The following PTK2 variants were observed in gnomAD, a reference collection of about 807,000 sequenced individuals.
PTK2 encodes focal adhesion kinase 1.
PTK2 carries 45 observed loss-of-function variants against 150.1 expected under a neutral mutation model. The ratio of observed to expected loss-of-function variants is 0.30; its 90% CI spans 0.24 to 0.38. The LOEUF is 0.38. Among genes scored for constraint, PTK2 ranks in the 10% least tolerant of loss-of-function variants. The probability of loss-of-function intolerance (pLI) is 1.00; values close to 1 mark genes in which losing one functional copy is unlikely to be tolerated. For missense variants in PTK2, 919 were observed against 1,307.3 expected (o/e 0.70, Z 4.58); for synonymous variants, 432 against 449.2 (o/e 0.96, Z 0.48).
intron 5 of PTK2, among the ~76,000 whole-genome samples, chr8:140,861,379 T>C (rs906427940): frequency 6.6e-6 from 1 of 151,994 alleles, no homozygotes; most frequent in Admixed American, 6.6e-5. Context: ...TTTAAAAATA[T>C]TAAAATGTAC....
chr8:140,815,406 C>T (rs2100104119), intron 10 of PTK2, among the ~76,000 whole-genome samples: 1 of 151,950 alleles, frequency 6.6e-6, no homozygotes. Flanking sequence ...GACACTGGGG[C>T]CTACCAGAGG....
chr8:140,990,627 G>A (rs761293167), intron 1 of PTK2, among the ~76,000 whole-genome samples: 1 of 152,144 alleles, frequency 6.6e-6, no homozygotes, highest in African/African-American at 2.4e-5. Flanking sequence ...GAGCTGCACA[G>A]TTGAGTGAAA....
intron 7 of PTK2, among the ~76,000 whole-genome samples, chr8:140,830,756 T>TC (rs2100114887): frequency 6.6e-6 from 1 of 152,210 alleles, no homozygotes; most frequent in African/African-American, 2.4e-5. Flanking sequence ...TAAATAGAAA[T>TC]CCTTTTGGTT....
intron 2 of PTK2, among the ~76,000 whole-genome samples, chr8:140,897,383 A>G (rs2100156723): frequency 6.6e-6 from 1 of 152,010 alleles, no homozygotes; most frequent in Non-Finnish European, 1.5e-5. Flanking sequence ...AAAAAAAAGG[A>G]ATGTTATTTT....
exon 19 of PTK2, chr8:140,744,674 C>T: frequency 6.3e-7 from 1 of 1,593,302 alleles, no homozygotes; most frequent in Non-Finnish European, 8.6e-7. Flanking sequence ...CTTTTGCTCT[C>T]TAGATATGCA....
At chr8:140,710,092 T>C (rs1025442134) in intron 23 of PTK2, among the ~76,000 whole-genome samples, 2 of 152,122 alleles carry the variant, frequency 1.3e-5, no homozygotes, top group African/African-American at 2.4e-5. Flanking sequence ...GGCAGGCAGA[T>C]TGCTTTGAGC....
intron 26 of PTK2, among the ~76,000 whole-genome samples, chr8:140,695,006 G>GC (rs1485752976): frequency 1.3e-5 from 2 of 152,184 alleles, no homozygotes; most frequent in African/African-American, 4.8e-5. Flanking sequence ...CTAAAAATCT[G>GC]CATCTCCAGC....
chr8:140,706,212 A>T lies in PTK2; in HGVS notation c.2143-7T>A. 1 of 1,604,814 alleles carries T rather than the reference A, an allele frequency of 6.2e-7. No homozygotes were observed. Among genetic ancestry groups the T allele is most frequent in the South Asian group, 1.1e-5 (1 of 90,838 alleles). On this transcript the variant is annotated splice_polypyrimidine_tract_variant and splice_region_variant and intron_variant, in intron 23 of 31. Transcript: ENST00000522684. ...GATAACCCGGTCTGCTGGGCTGTAAAATCAAGAGAGCATCATATGAATGAA... is the reference window on the plus strand; with the variant it reads ...GATAACCCGGTCTGCTGGGCTGTAATATCAAGAGAGCATCATATGAATGAA...
chr8:140,774,683 G>C (rs1231070478), intron 14 of PTK2, among the ~76,000 whole-genome samples: 1 of 152,188 alleles, frequency 6.6e-6, no homozygotes, highest in Non-Finnish European at 1.5e-5. Context: ...TCATAATAAA[G>C]ACCTTGCTGA....
At chr8:140,920,983 T>G in intron 2 of PTK2, 1 of 1,326,502 alleles carries the variant, frequency 7.5e-7, no homozygotes, top group Middle Eastern at 1.9e-4. Flanking sequence ...GTGATAGTAT[T>G]TGCTTCGATC....
intron 10 of PTK2, among the ~76,000 whole-genome samples, chr8:140,814,885 C>T (rs1471924714): frequency 1.3e-5 from 2 of 152,034 alleles, no homozygotes; most frequent in Non-Finnish European, 2.9e-5. Flanking sequence ...TGCCATTCTC[C>T]TGCCTCAGCC....
At chr8:140,659,191 A>C (rs958565300) in exon 32 of PTK2, 6 of 469,852 alleles carry the variant, frequency 1.3e-5, no homozygotes, top group Admixed American at 3.8e-5. Flanking sequence ...ATGATGCTTA[A>C]AAGCTTACAT....
At chr8:140,822,892 ATCCTGT>A (rs766467523) in intron 8 of PTK2, among the ~76,000 whole-genome samples, 4 of 152,226 alleles carry the variant, frequency 2.6e-5, no homozygotes, top group Non-Finnish European at 4.4e-5. Context: ...ATCTAGTTCT[ATCCTGT>A]GATAAATTAG....
At chr8:140,876,277 G>A (rs2100145464) in intron 4 of PTK2, among the ~76,000 whole-genome samples, 1 of 152,058 alleles carries the variant, frequency 6.6e-6, no homozygotes. Context: ...TCCTTTGGTG[G>A]CAAATCCTCT....
At chr8:140,696,184 A>C (rs1306864902) in intron 26 of PTK2, among the ~76,000 whole-genome samples, 1 of 152,174 alleles carries the variant, frequency 6.6e-6, no homozygotes, top group East Asian at 1.9e-4. Context: ...CTGAATAAAG[A>C]AAGTTCCCAT....
At chr8:140,820,652 T>C (rs984288809) in intron 8 of PTK2, 2 of 151,584 alleles carry the variant, frequency 1.3e-5, no homozygotes, top group Non-Finnish European at 1.5e-5. Context: ...CAACAGGATA[T>C]GCTAATAATT....
At chr8:140,668,400 G>A in exon 30 of PTK2, 3 of 1,612,958 alleles carry the variant, frequency 1.9e-6, no homozygotes, top group East Asian at 2.2e-5. Flanking sequence ...GCAGTAGGAG[G>A]GGGGCTGATT....
intron 29 of PTK2, chr8:140,672,043 T>C (rs2095587051): frequency 1.0e-5 from 4 of 393,406 alleles, no homozygotes; most frequent in South Asian, 7.6e-5. Flanking sequence ...CATTATGTTA[T>C]TCCAGCTGTG....
At chr8:140,896,459 T>C (rs1350548865) in intron 2 of PTK2, among the ~76,000 whole-genome samples, 1 of 152,212 alleles carries the variant, frequency 6.6e-6, no homozygotes, top group African/African-American at 2.4e-5. Context: ...ATTCTAGGAA[T>C]AGAAGAAAGG....
Sources: allele counts gnomAD v4.1 joint callset (sites outside exome capture counted in the v4.1 genomes callset), GRCh38; gene constraint gnomAD v4.1.1; transcripts MANE v1.5; gene names NCBI Gene and HGNC (gene_info 2026-07-23, HGNC 2026-07-21).